ZFAND3: variants seen among roughly 807,000 people sequenced by gnomAD.
ZFAND3 encodes the protein zinc finger AN1-type containing 3, also known as AN1-type zinc finger protein 3.
A neutral mutation model predicts 29.6 loss-of-function variants in ZFAND3; 10 were observed. The ratio of observed to expected loss-of-function variants is 0.34; its 90% confidence interval spans 0.21 to 0.57. The LOEUF (loss-of-function observed/expected upper bound fraction) is 0.57. Among genes scored for constraint, ZFAND3 ranks in the 20% least tolerant of loss-of-function variants. The probability of loss-of-function intolerance (pLI) is 0.86; values close to 1 mark genes in which losing one functional copy is unlikely to be tolerated. For synonymous variants in ZFAND3, 128 were observed against 112.6 expected, an observed-to-expected ratio of 1.14 and a Z score of -0.87; for missense variants, 230 against 304.5, an observed-to-expected ratio of 0.76 and a Z score of 1.82.
chr6:37,983,551 G>A (rs1193476097), intron 2 of ZFAND3, among the ~76,000 whole-genome samples: 1 of 151,958 alleles, frequency 6.6e-6, no homozygotes, highest in Non-Finnish European at 1.5e-5. Flanking sequence ...TAGAGATGGA[G>A]TTCCTCCATG....
intron 5 of ZFAND3, 65 bp from the exon 6 acceptor site, chr6:38,152,170 T>G (rs1766241263): frequency 2.8e-6 from 4 of 1,412,226 alleles, no homozygotes; most frequent in Non-Finnish European, 3.8e-6. Flanking sequence ...AAGGCAATTG[T>G]GAGGCTCTGC....
intron 1 of ZFAND3, among the ~76,000 whole-genome samples, chr6:37,914,672 C>CTTTTTTTT (rs71542148): frequency 1.8e-5 from 2 of 114,210 alleles, no homozygotes; most frequent in African/African-American, 3.6e-5. Flanking sequence ...CTTTTTTTTT[C>CTTTTTTTT]TTTTTTTTTT....
At chr6:37,959,460 A>G (rs1762156980) in intron 2 of ZFAND3, among the ~76,000 whole-genome samples, 1 of 152,188 alleles carries the variant, frequency 6.6e-6, no homozygotes, top group East Asian at 1.9e-4. Flanking sequence ...AATTTTTTTT[A>G]GAGCCTAAAG....
chr6:38,131,478 T>G (rs1352714210), intron 5 of ZFAND3, among the ~76,000 whole-genome samples: 1 of 152,252 alleles, frequency 6.6e-6, no homozygotes, highest in African/African-American at 2.4e-5. Context: ...CTGTACATTT[T>G]ATAGACTCAT....
chr6:38,120,941 A>C (rs539992395), intron 5 of ZFAND3, among the ~76,000 whole-genome samples: 1 of 152,128 alleles, frequency 6.6e-6, no homozygotes. Context: ...TGTCAAACCA[A>C]ATTCATCAAG....
At chr6:37,955,856 A>C (rs1006659635) in intron 2 of ZFAND3, among the ~76,000 whole-genome samples, 1 of 152,232 alleles carries the variant, frequency 6.6e-6, no homozygotes, top group African/African-American at 2.4e-5. Flanking sequence ...AAAAGAATCC[A>C]TGGGTTCTTG....
intron 2 of ZFAND3, among the ~76,000 whole-genome samples, chr6:38,004,486 C>T (rs1361772943): frequency 6.7e-6 from 1 of 148,190 alleles, no homozygotes; most frequent in Non-Finnish European, 1.5e-5. Context: ...CTCTTTAGGA[C>T]AGCAGTGTCC....
chr6:38,043,349 C>T (rs1177265724), intron 2 of ZFAND3, among the ~76,000 whole-genome samples: 1 of 151,500 alleles, frequency 6.6e-6, no homozygotes, highest in African/African-American at 2.4e-5. Flanking sequence ...AAAAAAAGAA[C>T]TCGTAGTAGA....
intron 2 of ZFAND3, among the ~76,000 whole-genome samples, chr6:37,937,796 G>T (rs1761730946): frequency 6.6e-6 from 1 of 152,016 alleles, no homozygotes; most frequent in Non-Finnish European, 1.5e-5. Context: ...AGACGCCCAA[G>T]AGGGATTTCT....
chr6:38,052,232 A>T (rs1358963800), intron 2 of ZFAND3, among the ~76,000 whole-genome samples: 1 of 152,150 alleles, frequency 6.6e-6, no homozygotes, highest in Non-Finnish European at 1.5e-5. Flanking sequence ...TTGTGATTTA[A>T]ATCTAAGCAA....
chr6:38,120,619 C>T (rs1019740981), intron 5 of ZFAND3, among the ~76,000 whole-genome samples: 1 of 152,158 alleles, frequency 6.6e-6, no homozygotes, highest in East Asian at 1.9e-4. Context: ...ATCCACCACG[C>T]CCGGCCTTCT....
chr6:38,009,564 A>G (rs1025671698), intron 2 of ZFAND3, among the ~76,000 whole-genome samples: 15 of 152,164 alleles, frequency 9.9e-5, no homozygotes, highest in African/African-American at 3.4e-4. Context: ...TGTATTCTGA[A>G]CTTTTACAGG....
At chr6:38,079,435 C>G (rs920877630) in intron 3 of ZFAND3, among the ~76,000 whole-genome samples, 1 of 152,230 alleles carries the variant, frequency 6.6e-6, no homozygotes, top group South Asian at 2.1e-4. Context: ...TTGCAGAAAC[C>G]TACAGAAATG....
chr6:37,934,961 T>A (rs1257601068), intron 2 of ZFAND3, among the ~76,000 whole-genome samples: 2 of 152,158 alleles, frequency 1.3e-5, no homozygotes, highest in African/African-American at 4.8e-5. Flanking sequence ...CTTTCACATA[T>A]TCTGTATTTT....
At chr6:37,862,705 A>G (rs956049384) in intron 1 of ZFAND3, among the ~76,000 whole-genome samples, 1 of 151,146 alleles carries the variant, frequency 6.6e-6, no homozygotes, top group African/African-American at 2.4e-5. Flanking sequence ...TCCTGTCTCT[A>G]AAAAAAACAA....
intron 2 of ZFAND3, among the ~76,000 whole-genome samples, chr6:38,041,976 A>AT (rs1362644461): frequency 6.7e-6 from 1 of 149,898 alleles, no homozygotes; most frequent in Non-Finnish European, 1.5e-5. Context: ...AGCTGGGACT[A>AT]TAAGTGTGCA....
chr6:37,853,193 G>C (rs547629140), intron 1 of ZFAND3, among the ~76,000 whole-genome samples: 1 of 152,156 alleles, frequency 6.6e-6, no homozygotes, highest in South Asian at 2.1e-4. Flanking sequence ...ATCTGATTCT[G>C]TATTTAATAT....
intron 1 of ZFAND3, among the ~76,000 whole-genome samples, chr6:37,878,742 C>T (rs1368471876): frequency 1.3e-5 from 2 of 152,200 alleles, no homozygotes; most frequent in African/African-American, 4.8e-5. Flanking sequence ...AAGGATTTGT[C>T]CTAGCCTAGT....
At chr6:38,101,256 A>G (rs78649984) in intron 4 of ZFAND3, among the ~76,000 whole-genome samples, 69 of 152,284 alleles carry the variant, frequency 4.5e-4, no homozygotes, top group African/African-American at 1.6e-3. Flanking sequence ...TTTTTTATAT[A>G]TAAACCATTT....
Sources: gnomAD v4.1 joint callset for allele counts (sites outside exome capture counted in the v4.1 genomes callset) on GRCh38, gnomAD v4.1.1 for gene constraint, MANE v1.5 for transcripts, NCBI Gene and HGNC (gene_info 2026-07-23, HGNC 2026-07-21) for gene names.